The following ADPGK variants were observed in gnomAD, a reference collection of about 807,000 sequenced individuals.
ADPGK encodes ADP-dependent glucokinase.
ADPGK carries 26 observed loss-of-function variants against 42.4 expected under a neutral mutation model. That is an observed-to-expected ratio of 0.61 (90% confidence interval 0.45 to 0.85). The LOEUF (loss-of-function observed/expected upper bound fraction) is 0.85. ADPGK is among the 40% of genes least tolerant of loss of function. The probability of loss-of-function intolerance (pLI) is 0.00; values close to 1 mark genes in which losing one functional copy is unlikely to be tolerated. For synonymous variants in ADPGK, 267 were observed against 252.6 expected (o/e 1.06, Z -0.54); for missense variants, 571 against 627.0 (o/e 0.91, Z 0.95).
chr15:72,773,792 C>T (rs1042743387), intron 2 of ADPGK, among the ~76,000 whole-genome samples: 7 of 152,240 alleles, frequency 4.6e-5, no homozygotes, highest in Admixed American at 2.0e-4. Flanking sequence ...AACTTGCTGT[C>T]ACCTTTAGAA....
chr15:72,783,346 G>A (rs1436466919), intron 1 of ADPGK, 113 bp downstream of exon 1: 2 of 1,289,174 alleles, frequency 1.6e-6, no homozygotes, highest in Non-Finnish European at 2.0e-6. Flanking sequence ...AGGGGCCAGC[G>A]CGGACAGCAG....
Position 72,752,167 on chromosome 15 carries a change from C to T in ADPGK, c.*174G>A. On this transcript the variant is annotated 3_prime_UTR_variant, in exon 7 of 7. Coordinates refer to ENST00000456471, the MANE Select transcript of ADPGK (RefSeq NM_001365225.1). ...AAAAACAAAAATCCAGTCTCATTAG[C>T]TAAATTCGGATTAAAATCTGAAATG... 1 of 710,312 alleles carries T rather than the reference C, an allele frequency of 1.4e-6. No homozygotes were observed. The highest frequency in any genetic ancestry group is 2.2e-6 in the Non-Finnish European group (1 of 446,744). 44.0% of individuals were successfully genotyped at this position (710,312 alleles called of 1,614,324 possible).
intron 1 of ADPGK, among the ~76,000 whole-genome samples, chr15:72,777,539 G>T (rs374547892): frequency 6.6e-6 from 1 of 152,044 alleles, no homozygotes; most frequent in African/African-American, 2.4e-5. Flanking sequence ...TTAGCTGGGT[G>T]TGGTGGTGGA....
chr15:72,751,982 TG>T lies in ADPGK; in HGVS notation c.*358del, dbSNP rs2066051198. 9.4e-6 allele frequency: 2 copies of T among 213,024 alleles called. No homozygotes were observed. The highest frequency in any genetic ancestry group is 1.9e-5 in the Non-Finnish European group (2 of 105,214). 13.2% of individuals were successfully genotyped at this position (213,024 alleles called of 1,614,324 possible). On this transcript the variant is annotated 3_prime_UTR_variant, in exon 7 of 7. Transcript: ENST00000456471. ...GAGGCTTTCCTAGAGACCAGGATGTTGGGTGAGTGGGCGTGCACTTCTCAAG... is the reference window on the plus strand; with the variant it reads ...GAGGCTTTCCTAGAGACCAGGATGTTGGTGAGTGGGCGTGCACTTCTCAAG...
intron 3 of ADPGK, among the ~76,000 whole-genome samples, chr15:72,769,317 A>G (rs748245022): frequency 2.1e-4 from 32 of 152,258 alleles, no homozygotes; most frequent in South Asian, 4.1e-4. Context: ...ACAAAATAAA[A>G]TAACTATTCC....
At chr15:72,759,305 A>G (rs545272176) in intron 4 of ADPGK, among the ~76,000 whole-genome samples, 6 of 152,286 alleles carry the variant, frequency 3.9e-5, no homozygotes, top group Admixed American at 6.5e-5. Context: ...CCTTACCACA[A>G]TGATCAGGCA....
At chr15:72,772,199 T>G (rs2066337095) in intron 2 of ADPGK, among the ~76,000 whole-genome samples, 1 of 152,180 alleles carries the variant, frequency 6.6e-6, no homozygotes, top group Admixed American at 6.5e-5. Context: ...AATTTCACTA[T>G]CCTGTGGAAA....
At chr15:72,771,742 C>G in intron 3 of ADPGK, 41 bp downstream of exon 3, 4 of 1,554,992 alleles carry the variant, frequency 2.6e-6, no homozygotes, top group Non-Finnish European at 3.5e-6. Flanking sequence ...TATTGAAACA[C>G]TAGGGAAAGG....
chr15:72,766,137 G>A (rs1057405930), intron 3 of ADPGK, among the ~76,000 whole-genome samples: 12 of 152,016 alleles, frequency 7.9e-5, no homozygotes, highest in East Asian at 1.9e-4. Context: ...ATAAGCATGC[G>A]CCACCATGCC....
At chr15:72,768,841 G>A (rs1183448528) in intron 3 of ADPGK, among the ~76,000 whole-genome samples, 10 of 151,932 alleles carry the variant, frequency 6.6e-5, no homozygotes, top group Non-Finnish European at 8.8e-5. Context: ...CTGTGGTGAC[G>A]TGTCTGCAAT....
At chr15:72,758,037 C>A (rs904769251) in intron 4 of ADPGK, 4 of 1,585,670 alleles carry the variant, frequency 2.5e-6, no homozygotes, top group Non-Finnish European at 3.5e-6. Flanking sequence ...CAGCTGAGAT[C>A]TGTGAAATTC....
At chr15:72,768,770 A>C (rs1027071713) in intron 3 of ADPGK, among the ~76,000 whole-genome samples, 1 of 152,090 alleles carries the variant, frequency 6.6e-6, no homozygotes, top group African/African-American at 2.4e-5. Flanking sequence ...TCGGGAGTTG[A>C]GACTAGCCTG....
chr15:72,758,462 C>A, intron 4 of ADPGK: 1 of 384,188 alleles, frequency 2.6e-6, no homozygotes, highest in Non-Finnish European at 4.9e-6. Context: ...TTGGAATTTC[C>A]CTATTGAGGT....
chr15:72,762,117 G>C (rs928651672), intron 3 of ADPGK, among the ~76,000 whole-genome samples: 5 of 151,646 alleles, frequency 3.3e-5, no homozygotes, highest in Non-Finnish European at 7.4e-5. Context: ...TGATCCACCC[G>C]CCTTGGCCTC....
intron 3 of ADPGK, among the ~76,000 whole-genome samples, chr15:72,765,599 T>G (rs957034091): frequency 3.3e-5 from 5 of 152,220 alleles, no homozygotes; most frequent in Non-Finnish European, 7.3e-5. Flanking sequence ...ACATTTATGA[T>G]TTATAGGAGG....
chr15:72,772,076 A>G (rs1449731094), intron 2 of ADPGK, among the ~76,000 whole-genome samples: 1 of 152,194 alleles, frequency 6.6e-6, no homozygotes, highest in East Asian at 1.9e-4. Flanking sequence ...GATTGCTTTA[A>G]CTGTTGATCA....
intron 4 of ADPGK, among the ~76,000 whole-genome samples, chr15:72,759,455 T>A (rs2066164293): frequency 6.6e-6 from 1 of 152,214 alleles, no homozygotes; most frequent in East Asian, 1.9e-4. Flanking sequence ...AATTCCCAAC[T>A]GATTCTAGTA....
In ADPGK at chr15:72,783,665, G is replaced by A. The variant is rs1164510744; in HGVS notation, c.27C>T (p.Tyr9=). Residue 9 remains tyrosine, a synonymous_variant, in exon 1 of 7, where the codon TAC becomes TAT. Coordinates refer to ENST00000456471, the MANE Select transcript of ADPGK (RefSeq NM_001365225.1). The stretch of plus-strand genomic sequence containing the variant: ...CCACGGCCAGCGCCAGGAAGCCCGC[G>A]TACGCGGAGCCGCGCCACAGCGCCA... MALWRGSA[Y]AGFLALAVGC... The A allele has an allele frequency of 6.6e-7, 1 of 1,505,460 alleles. No homozygotes were observed. Among genetic ancestry groups the A allele is most frequent in the African/African-American group, 1.4e-5 (1 of 69,314 alleles). 93.3% of individuals were successfully genotyped at this position (1,505,460 alleles called of 1,614,324 possible). A position where few individuals can be genotyped will look rare whatever the true frequency, so the allele number is the denominator to read the frequency against.
intron 1 of ADPGK, among the ~76,000 whole-genome samples, chr15:72,781,781 A>C (rs59686861): frequency 0.052 from 7,920 of 152,274 alleles, 681 homozygotes; most frequent in African/African-American, 0.18. Context: ...ACCCCCCACC[A>C]ATTCATATGC....
Sources: gnomAD v4.1 joint callset for allele counts (sites outside exome capture counted in the v4.1 genomes callset) on GRCh38, gnomAD v4.1.1 for gene constraint, MANE v1.5 for transcripts, NCBI Gene and HGNC (gene_info 2026-07-23, HGNC 2026-07-21) for gene names.